Variants in PARM1 observed in about 807,000 individuals in gnomAD.
PARM1 encodes the protein prostate androgen-regulated mucin-like protein 1, also known as WSC4, cell wall integrity and stress response component 4 homolog.
Under a neutral mutation model 24.6 loss-of-function variants are expected in PARM1, and 14 were observed. That is an observed-to-expected ratio of 0.57 (90% CI 0.38 to 0.89). The LOEUF (loss-of-function observed/expected upper bound fraction) is 0.89. PARM1 is among the 40% of genes least tolerant of loss of function. The probability of loss-of-function intolerance (pLI) is 0.00; values close to 1 mark genes in which losing one functional copy is unlikely to be tolerated. For synonymous variants in PARM1, 179 were observed against 156.6 expected (o/e 1.14, Z -1.07); for missense variants, 362 against 380.4 (o/e 0.95, Z 0.40).
intron 1 of PARM1, among the ~76,000 whole-genome samples, chr4:74,984,706 T>C (rs1441910629): frequency 6.6e-6 from 1 of 152,230 alleles, no homozygotes; most frequent in Non-Finnish European, 1.5e-5. Flanking sequence ...CGTAGACTGT[T>C]TTAAGTGTTT....
intron 2 of PARM1, among the ~76,000 whole-genome samples, chr4:75,031,809 C>T (rs573996089): frequency 1.1e-4 from 17 of 152,288 alleles, no homozygotes; most frequent in African/African-American, 3.9e-4. Context: ...TTACACTGCT[C>T]TTAATTGCAA....
At chr4:74,997,310 C>T (rs1018647759) in intron 1 of PARM1, among the ~76,000 whole-genome samples, 1 of 152,172 alleles carries the variant, frequency 6.6e-6, no homozygotes, top group Non-Finnish European at 1.5e-5. Flanking sequence ...AGAATGTGCA[C>T]ATTTGGCTGG....
chr4:74,937,904 C>T (rs191682095), intron 1 of PARM1, among the ~76,000 whole-genome samples: 165 of 152,242 alleles, frequency 1.1e-3, no homozygotes, highest in Non-Finnish European at 2.0e-3. Context: ...AGATTTAGTG[C>T]AAGAGTCCAA....
At chr4:74,992,958 C>CATATATACAA in intron 1 of PARM1, among the ~76,000 whole-genome samples, 1 of 152,232 alleles carries the variant, frequency 6.6e-6, no homozygotes, top group East Asian at 1.9e-4. Context: ...AGCATTATAA[C>CATATATACAA]ATATATACAA....
chr4:74,933,132 C>T lies in PARM1; in HGVS notation c.-196C>T. On this transcript the variant is annotated 5_prime_UTR_variant, in exon 1 of 4. Transcript: ENST00000307428. The stretch of plus-strand genomic sequence containing the variant: ...GGATGGAGCAGAAGAGCGCGGAGCA[C>T]CGGAGGGCACGCAGCTGACGGAGCT... 1 of 544,036 alleles carries T rather than the reference C, an allele frequency of 1.8e-6. No individual in the cohort carries two copies. Among genetic ancestry groups the T allele is most frequent in the Non-Finnish European group, 3.2e-6 (1 of 310,000 alleles). The allele number at this position is 544,036 out of a possible 1,614,324, so 33.7% of individuals were successfully genotyped here.
chr4:74,980,472 C>T (rs1231958297), intron 1 of PARM1, among the ~76,000 whole-genome samples: 2 of 152,120 alleles, frequency 1.3e-5, no homozygotes, highest in Admixed American at 6.6e-5. Flanking sequence ...AGGACACAAA[C>T]AAATGGAAAA....
In PARM1 at chr4:75,048,707, G is replaced by C. The variant is rs1301981455; in HGVS notation, c.*2460G>C. 1 of 152,540 alleles carries C rather than the reference G, an allele frequency of 6.6e-6. No homozygotes were observed. The highest frequency in any genetic ancestry group is 1.5e-5 in the Non-Finnish European group (1 of 68,032). The allele number at this position is 152,540 out of a possible 1,614,324, so 9.4% of individuals were successfully genotyped here. On this transcript the variant is annotated 3_prime_UTR_variant, in exon 4 of 4. Coordinates refer to ENST00000307428, the MANE Select transcript of PARM1 (RefSeq NM_015393.4). Reference sequence around the variant, plus strand: ...ACCGAAAGGCTGCTATTGTGCAAGGGCACATAATGGGTCTGTTGCTCTTAT... The same window carrying C: ...ACCGAAAGGCTGCTATTGTGCAAGGCCACATAATGGGTCTGTTGCTCTTAT...
chr4:74,937,062 A>G (rs1432598659), intron 1 of PARM1, among the ~76,000 whole-genome samples: 1 of 152,092 alleles, frequency 6.6e-6, no homozygotes, highest in Admixed American at 6.5e-5. Context: ...TAGGGATCCT[A>G]TTTGTGTTCT....
intron 1 of PARM1, among the ~76,000 whole-genome samples, chr4:75,004,410 T>A (rs936827097): frequency 3.3e-5 from 5 of 152,114 alleles, no homozygotes; most frequent in African/African-American, 1.2e-4. Context: ...CAGGAGGAAG[T>A]GTCTATCAAG....
At position 74,936,456 on chromosome 4, in the gene PARM1, T is replaced by TTTTG. The variant is rs1553967304; in HGVS notation, c.43+3089_43+3090insGTTT. Among the ~76,000 whole-genome samples, 373 of 144,512 alleles carry TTTTG rather than the reference T, an allele frequency of 2.6e-3. 3 individuals carry two copies. Among genetic ancestry groups the TTTTG allele is most frequent in the Middle Eastern group, 0.025 (7 of 282 alleles). The allele number at this position is 144,512 out of a possible 152,430, so 94.8% of individuals were successfully genotyped here. ...TTCAAGTGTTTTTTTTTTGTTTGTT[T>TTTTG]TTTTGTTTTTTTTTTGAGATGGAGT... On this transcript the variant is annotated intron_variant, in intron 1 of 3. Transcript: ENST00000307428.
At chr4:74,992,168 G>T (rs998047053) in intron 1 of PARM1, among the ~76,000 whole-genome samples, 1 of 152,108 alleles carries the variant, frequency 6.6e-6, no homozygotes, top group African/African-American at 2.4e-5. Flanking sequence ...CTATCAGGAA[G>T]GTCCTCAAAC....
intron 1 of PARM1, among the ~76,000 whole-genome samples, chr4:75,002,517 A>T (rs1330382959): frequency 6.6e-6 from 1 of 152,016 alleles, no homozygotes; most frequent in Non-Finnish European, 1.5e-5. Context: ...CAGGGAGTAA[A>T]CTGGTCTCCC....
At chr4:75,001,460 T>C (rs184652817) in intron 1 of PARM1, among the ~76,000 whole-genome samples, 2 of 152,302 alleles carry the variant, frequency 1.3e-5, no homozygotes, top group Non-Finnish European at 2.9e-5. Context: ...CAATAAGCAT[T>C]ATCTTTGGAG....
chr4:75,038,665 A>C (rs1448151466), intron 3 of PARM1, among the ~76,000 whole-genome samples: 1 of 152,264 alleles, frequency 6.6e-6, no homozygotes, highest in Non-Finnish European at 1.5e-5. Context: ...TTATAAATGG[A>C]AACTATCTCT....
intron 1 of PARM1, among the ~76,000 whole-genome samples, chr4:74,964,750 G>A (rs115695454): frequency 3.5e-4 from 54 of 152,194 alleles, no homozygotes; most frequent in Non-Finnish European, 7.5e-4. Flanking sequence ...TAGGAGCTTA[G>A]TAAATATCTG....
At chr4:74,961,369 G>T (rs1436546497) in intron 1 of PARM1, among the ~76,000 whole-genome samples, 3 of 152,104 alleles carry the variant, frequency 2.0e-5, no homozygotes, top group Non-Finnish European at 4.4e-5. Context: ...AAGAAGGAAA[G>T]AGAAAAGGGA....
intron 1 of PARM1, among the ~76,000 whole-genome samples, chr4:74,968,497 T>G (rs2109993360): frequency 6.6e-6 from 1 of 152,308 alleles, no homozygotes; most frequent in South Asian, 2.1e-4. Flanking sequence ...ATTTAAAATT[T>G]TTACATGTCA....
intron 1 of PARM1, among the ~76,000 whole-genome samples, chr4:75,004,470 G>T (rs1722735818): frequency 6.6e-6 from 1 of 152,184 alleles, no homozygotes; most frequent in Middle Eastern, 3.2e-3. Flanking sequence ...CTCAGAACTG[G>T]GATGGCAAGA....
At chr4:74,971,023 A>G (rs1242108924) in intron 1 of PARM1, among the ~76,000 whole-genome samples, 1 of 152,202 alleles carries the variant, frequency 6.6e-6, no homozygotes, top group Non-Finnish European at 1.5e-5. Context: ...CTAAGGACTG[A>G]GAAGTGAGCA....
Sources: gnomAD v4.1 joint callset for allele counts (sites outside exome capture counted in the v4.1 genomes callset) on GRCh38, gnomAD v4.1.1 for gene constraint, MANE v1.5 for transcripts, NCBI Gene and HGNC (gene_info 2026-07-23, HGNC 2026-07-21) for gene names.